RRBP1: variants seen among roughly 807,000 people sequenced by gnomAD.
RRBP1 encodes ribosome-binding protein 1.
In RRBP1, 94 loss-of-function variants were observed where a neutral mutation model predicts 165.2. The observed-to-expected ratio is 0.57, with a 90% CI of 0.48 to 0.68. RRBP1 has a LOEUF of 0.68. Ranked by LOEUF, RRBP1 falls within the 30% of genes least tolerant of loss-of-function variation. The pLI, the probability that RRBP1 is intolerant of heterozygous loss-of-function variation, is 0.00. For missense variants in RRBP1, 1,676 were observed against 1,763.0 expected (o/e 0.95, Z 0.88); for synonymous variants, 680 against 714.5 (o/e 0.95, Z 0.77).
chr20:17,619,651 G>A lies in RRBP1; in HGVS notation c.3657C>T (p.Tyr1219=), dbSNP rs145233826. The A allele has an allele frequency of 5.5e-5, 89 of 1,612,210 alleles. No individual in the cohort carries two copies. The highest frequency in any genetic ancestry group is 1.6e-4 in the Middle Eastern group (1 of 6,068). Residue 1219 remains tyrosine, a synonymous_variant, in exon 19 of 25, where the codon TAC becomes TAT. Coordinates refer to ENST00000377813, the MANE Select transcript of RRBP1 (RefSeq NM_001365613.2). ...GACTCACCCCTGCCACCTCCTTGGC[G>A]TAGTTCTGGCACTCGGCGCTGGCGG... ...MAAASAECQN[Y]AKEVAGLRQL...
At position 17,614,172 on chromosome 20, in the gene RRBP1, A is replaced by T; in HGVS notation, c.*10T>A. On this transcript the variant is annotated 3_prime_UTR_variant, in exon 25 of 25. Transcript: ENST00000377813. ...AGTTGAACAGTAACTTCTTTTTCCAAAGAGGAAACTCAGACAGAGGTGCCC... is the reference window on the plus strand; with the variant it reads ...AGTTGAACAGTAACTTCTTTTTCCATAGAGGAAACTCAGACAGAGGTGCCC... 1 of 1,613,860 alleles carries T rather than the reference A, an allele frequency of 6.2e-7. No individual in the cohort carries two copies. The highest frequency in any genetic ancestry group is 8.5e-7 in the Non-Finnish European group (1 of 1,179,868).
Position 17,646,432 on chromosome 20 carries a change from T to A in RRBP1, c.1913-3305A>T, listed in dbSNP as rs559369016. 4.5e-4 allele frequency among the ~76,000 whole-genome samples: 69 copies of A among 152,308 alleles called. 1 individual carries two copies. Among genetic ancestry groups the A allele is most frequent in the Non-Finnish European group, 5.9e-4 (40 of 68,016 alleles). ...TCAGAGCAAGGCCTCTGGGACCAGG[T>A]GGCCTGGAGTCGAATCCCAGCTCAG... On this transcript the variant is annotated intron_variant, in intron 3 of 24. Coordinates refer to ENST00000377813, the MANE Select transcript of RRBP1 (RefSeq NM_001365613.2).
chr20:17,635,550 T>C lies in RRBP1; in HGVS notation c.2452A>G (p.Ser818Gly). 6.2e-7 allele frequency: 1 copy of C among 1,608,054 alleles called. No homozygotes were observed. The highest frequency in any genetic ancestry group is 1.1e-5 in the South Asian group (1 of 90,490). ...ALNQATSQVESKQNAELAKLR... is the reference protein window; with the variant it reads ...ALNQATSQVEGKQNAELAKLR... The stretch of plus-strand genomic sequence containing the variant: ...AGGCAGGAAAGCTCAGCTTACTTGC[T>C]CTCCACCTGGCTCGTGGCCTGGTTC... The change falls in exon 7 of 25, where the codon AGC (serine) becomes GGC (glycine). Residue 818 changes from serine (S) to glycine (G), a missense_variant. Ser to Gly is a moderately conservative substitution (Grantham distance 56, BLOSUM62 0). Transcript: ENST00000377813.
rs1483239468 is a variant in RRBP1 at position 17,627,674 on chromosome 20, T to C, written c.2758A>G (p.Ser920Gly). The change falls in exon 10 of 25, where the codon AGC becomes GGC. Residue 920 changes from serine (S) to glycine (G), a missense_variant. By Grantham distance (56) the Ser-to-Gly change is moderately conservative. Around this residue, in one of 5 missense-constraint regions of RRBP1, gnomAD observed 1,184 missense variants for 1,167.1 expected, o/e 1.01. Coordinates refer to ENST00000377813, the MANE Select transcript of RRBP1 (RefSeq NM_001365613.2). The part of the protein sequence containing the change: ...EQQQQMAELH[S>G]KLQSSEAEVR... ...TCCGCCTCGGAGGACTGTAACTTGCTGTGCAGCTCTGGTGCAGAGGAAGGG... is the reference window on the plus strand; with the variant it reads ...TCCGCCTCGGAGGACTGTAACTTGCCGTGCAGCTCTGGTGCAGAGGAAGGG... 1.3e-6 allele frequency: 2 copies of C among 1,599,522 alleles called. No homozygotes were observed. The highest frequency in any genetic ancestry group is 1.1e-5 in the South Asian group (1 of 89,612).
intron 3 of RRBP1, among the ~76,000 whole-genome samples, chr20:17,650,860 GCAAA>G (rs1568775975): frequency 6.6e-6 from 1 of 152,154 alleles, no homozygotes; most frequent in East Asian, 1.9e-4. Flanking sequence ...GCATAATCCT[GCAAA>G]CAAAGACTCA....
rs190178824 is a variant in RRBP1, at chr20:17,636,503, T to A, written c.2337+74A>T. The A allele has an allele frequency of 6.8e-5, 106 of 1,552,440 alleles. 2 individuals carry two copies. In the Admixed American group the frequency reaches 1.8e-3, roughly 26 times the overall value. On this transcript the variant is annotated intron_variant, in intron 6 of 24. Coordinates refer to ENST00000377813, the MANE Select transcript of RRBP1 (RefSeq NM_001365613.2). ...CTCCTCATGCCTCACCCTTTGGGCC[T>A]CTCTGGCTCCCTCCGTCCTGGACCT...
At chr20:17,653,462 A>C (rs2036593918) in intron 3 of RRBP1, among the ~76,000 whole-genome samples, 1 of 152,266 alleles carries the variant, frequency 6.6e-6, no homozygotes, top group South Asian at 2.1e-4. Context: ...TGCAAAGAGC[A>C]GAAAATACGT....
At chr20:17,635,792 G>T in intron 6 of RRBP1, 128 bp from the exon 7 acceptor site, 1 of 742,828 alleles carries the variant, frequency 1.3e-6, no homozygotes, top group East Asian at 2.6e-5. Context: ...TTTTCCACGT[G>T]GAAGTTAAGA....
chr20:17,660,126 G>C lies in RRBP1; in HGVS notation c.382C>G (p.Pro128Ala), dbSNP rs1024641450. ...GGGGAGGAGGCCAGCTTCTCCTGGG[G>C]CATGGCTGGAACTGTGGCGACAGGA... is the stretch of plus-strand genomic sequence containing the variant. ...VAPVATVPAM[P>A]QEKLASSPKD... Residue 128 changes from proline to alanine, a missense_variant, in exon 3 of 25, where the codon CCC becomes GCC. Pro to Ala is a conservative substitution (Grantham distance 27). Coordinates refer to ENST00000377813, the MANE Select transcript of RRBP1 (RefSeq NM_001365613.2). 7.4e-6 allele frequency: 12 copies of C among 1,614,096 alleles called. No individual in the cohort carries two copies. Among genetic ancestry groups the C allele is most frequent in the Non-Finnish European group, 1.0e-5 (12 of 1,180,024 alleles).
At chr20:17,680,482 C>T (rs2037160439) in intron 1 of RRBP1, among the ~76,000 whole-genome samples, 1 of 152,176 alleles carries the variant, frequency 6.6e-6, no homozygotes, top group African/African-American at 2.4e-5. Flanking sequence ...ACGTGGGAGG[C>T]TCCTCAGGTC....
chr20:17,660,169 C>G lies in RRBP1; in HGVS notation c.339G>C (p.Gln113His), dbSNP rs767392658. The change falls in exon 3 of 25, where the codon CAG becomes CAC. Residue 113 changes from glutamine to histidine, a missense_variant. Physicochemically the swap from Gln to His is conservative, Grantham distance 24. Transcript: ENST00000377813. The part of the protein sequence containing the change: ...PAVAVAPTPV[Q>H]PPIIVAPVAT... The stretch of plus-strand genomic sequence containing the variant: ...CGACAGGAGCAACGATAATGGGGGG[C>G]TGCACTGGGGTTGGAGCCACAGCCA... 6.2e-7 allele frequency: 1 copy of G among 1,614,128 alleles called. No homozygotes were observed. The highest frequency in any genetic ancestry group is 8.5e-7 in the Non-Finnish European group (1 of 1,180,010).
Position 17,633,532 on chromosome 20 carries a change from C to T in RRBP1, c.2538G>A (p.Arg846=), listed in dbSNP as rs374224928. 1.2e-6 allele frequency: 2 copies of T among 1,613,978 alleles called. No homozygotes were observed. The highest frequency in any genetic ancestry group is 2.7e-5 in the African/African-American group (2 of 74,958). ...KELVEKSEAV[R]QDEQQRKALE... is the part of the protein sequence containing the mutation. ...GAGCTTTCCGCTGCTGCTCATCTTG[C>T]CGCACAGCCTCTGACTTCTCCACCA... The change falls in exon 8 of 25, where the codon CGG becomes CGA. Residue 846 remains arginine, a synonymous_variant. Coordinates refer to ENST00000377813, the MANE Select transcript of RRBP1 (RefSeq NM_001365613.2).
At chr20:17,630,903 T>A (rs2036138100) in intron 8 of RRBP1, among the ~76,000 whole-genome samples, 1 of 152,232 alleles carries the variant, frequency 6.6e-6, no homozygotes, top group Non-Finnish European at 1.5e-5. Flanking sequence ...ATTTTCATTT[T>A]CTTTTAGGGC....
At position 17,638,533 on chromosome 20, in the gene RRBP1, C is replaced by T. The variant is rs560749426; in HGVS notation, c.2185-1804G>A. On this transcript the variant is annotated intron_variant, in intron 5 of 24. Coordinates refer to ENST00000377813, the MANE Select transcript of RRBP1 (RefSeq NM_001365613.2). ...CGCCAGGATTCAATGGGATCTTCCC[C>T]CTCTTTTGCCTCTAGGCTTTTTAAA... 8.2e-4 allele frequency among the ~76,000 whole-genome samples: 125 copies of T among 152,318 alleles called. 2 individuals carry two copies. The highest frequency in any genetic ancestry group is 1.3e-4 in the Non-Finnish European group (9 of 68,034).
chr20:17,621,816 A>C (rs1310057247), intron 14 of RRBP1, 39 bp downstream of exon 14: 1 of 1,611,508 alleles, frequency 6.2e-7, no homozygotes, highest in Non-Finnish European at 8.5e-7. Flanking sequence ...ACATTCCCTG[A>C]GAACTGTGAG....
intron 1 of RRBP1, among the ~76,000 whole-genome samples, chr20:17,681,667 TCG>T (rs1192586907): frequency 1.3e-5 from 2 of 149,030 alleles, no homozygotes; most frequent in Non-Finnish European, 3.0e-5. Context: ...CCAACTTTCT[TCG>T]CCCAACTTCG....
Position 17,675,477 on chromosome 20 carries a change from T to G in RRBP1, c.-22+4522A>C, listed in dbSNP as rs529274025. On this transcript the variant is annotated intron_variant, in intron 2 of 24. Coordinates refer to ENST00000377813, the MANE Select transcript of RRBP1 (RefSeq NM_001365613.2). ...AGAGCTTACGCTTCAGAGGGGGAGA[T>G]GACAAAGTCAGTCAAATACGGGACA... Among the ~76,000 whole-genome samples the G allele has an allele frequency of 2.1e-5, 3 of 143,984 alleles. No individual in the cohort carries two copies. In the East Asian group the frequency reaches 6.2e-4, roughly 30 times the overall value. The allele number at this position is 143,984 out of a possible 152,430, so 94.5% of individuals were successfully genotyped here. A position where few individuals can be genotyped will look rare whatever the true frequency, so the allele number is the denominator to read the frequency against.
intron 16 of RRBP1, among the ~76,000 whole-genome samples, chr20:17,621,085 A>AC (rs2035904608): frequency 6.6e-6 from 1 of 152,190 alleles, no homozygotes; most frequent in Admixed American, 6.5e-5. Flanking sequence ...TGCCACCAGC[A>AC]CCAAGTGTGT....
At chr20:17,642,848 G>T in intron 4 of RRBP1, 131 bp downstream of exon 4, 1 of 1,021,676 alleles carries the variant, frequency 9.8e-7, no homozygotes, top group Non-Finnish European at 1.4e-6. Context: ...CCCTCGGGGT[G>T]GCAGAATTCT....
Sources: allele counts gnomAD v4.1 joint callset (sites outside exome capture counted in the v4.1 genomes callset), GRCh38; gene constraint gnomAD v4.1.1; regional missense constraint gnomAD v4.1.1; transcripts MANE v1.5; gene names NCBI Gene and HGNC (gene_info 2026-07-23, HGNC 2026-07-21).